G3BP1: variants seen among roughly 807,000 people sequenced by gnomAD.
G3BP1 encodes ras GTPase-activating protein-binding protein 1.
In G3BP1, 35 loss-of-function variants were observed where a neutral mutation model predicts 58.6. That is an observed-to-expected ratio of 0.60 (90% CI 0.46 to 0.79). The LOEUF is 0.79. Among genes scored for constraint, G3BP1 ranks in the 30% least tolerant of loss-of-function variants. The pLI is 0.00. For missense variants in G3BP1, 523 were observed against 580.8 expected (o/e 0.90, Z 1.02); for synonymous variants, 191 against 195.4 (o/e 0.98, Z 0.19).
rs1029260503 is a variant in G3BP1 at position 151,809,671 on chromosome 5, T to C, written c.*5580T>C. 2.0e-5 allele frequency: 3 copies of C among 152,124 alleles called. No individual in the cohort carries two copies. The highest frequency in any genetic ancestry group is 7.2e-5 in the African/African-American group (3 of 41,414). The allele number at this position is 152,124 out of a possible 1,614,324, so 9.4% of individuals were successfully genotyped here. On this transcript the variant is annotated 3_prime_UTR_variant, in exon 12 of 12. Coordinates refer to ENST00000356245, the MANE Select transcript of G3BP1 (RefSeq NM_005754.3). Reference sequence around the variant, plus strand: ...TCATTTTACAAAGGATCAGAGAGAATTGGTTAGTAGAGTCCCAAATCTGCT... The same window carrying C: ...TCATTTTACAAAGGATCAGAGAGAACTGGTTAGTAGAGTCCCAAATCTGCT...
chr5:151,775,364 TAG>T (rs1443281681), intron 1 of G3BP1, among the ~76,000 whole-genome samples: 5 of 152,380 alleles, frequency 3.3e-5, no homozygotes, highest in Middle Eastern at 3.4e-3. Context: ...TTTGCATATT[TAG>T]AGAGTGCTTT....
intron 1 of G3BP1, among the ~76,000 whole-genome samples, chr5:151,785,516 TGTTTAA>T (rs1393477267): frequency 6.6e-6 from 1 of 152,190 alleles, no homozygotes; most frequent in African/African-American, 2.4e-5. Flanking sequence ...TTTGCCTGTA[TGTTTAA>T]GTTTGGGATA....
Position 151,786,596 on chromosome 5 carries a change from C to T in G3BP1, c.-25C>T. 5 of 1,489,852 alleles carry T rather than the reference C, an allele frequency of 3.4e-6. No individual in the cohort carries two copies. The highest frequency in any genetic ancestry group is 4.7e-6 in the Non-Finnish European group (5 of 1,067,068). 92.3% of individuals were successfully genotyped at this position (1,489,852 alleles called of 1,614,324 possible). ...GGTTTGGACATATTTGACTCTTTTC[C>T]CCCCAGGTTGAATTGACCAAAGCAA... is the stretch of plus-strand genomic sequence containing the variant. On this transcript the variant is annotated 5_prime_UTR_variant, in exon 2 of 12. Transcript: ENST00000356245.
At chr5:151,801,517 A>G (rs1340044610) in intron 11 of G3BP1, among the ~76,000 whole-genome samples, 3 of 152,214 alleles carry the variant, frequency 2.0e-5, no homozygotes, top group Non-Finnish European at 4.4e-5. Flanking sequence ...ATACTTTTTT[A>G]TTGAGGTGAA....
rs1028926267 is a variant in G3BP1 at position 151,805,406 on chromosome 5, C to G, written c.*1315C>G. Reference sequence around the variant, plus strand: ...TCACATATGTGTTATTTGTTGAGTGCTGTGTGTGAGATGGGTGAAGGTTTT... The same window carrying G: ...TCACATATGTGTTATTTGTTGAGTGGTGTGTGTGAGATGGGTGAAGGTTTT... On this transcript the variant is annotated 3_prime_UTR_variant, in exon 12 of 12. Transcript: ENST00000356245. 1.3e-5 allele frequency: 2 copies of G among 152,410 alleles called. No homozygotes were observed. The highest frequency in any genetic ancestry group is 6.6e-5 in the Admixed American group (1 of 15,254). The allele number at this position is 152,410 out of a possible 1,614,324, so 9.4% of individuals were successfully genotyped here. A position where few individuals can be genotyped will look rare whatever the true frequency, so the allele number is the denominator to read the frequency against.
intron 1 of G3BP1, among the ~76,000 whole-genome samples, chr5:151,780,782 G>C (rs1762456848): frequency 6.6e-6 from 1 of 152,130 alleles, no homozygotes; most frequent in African/African-American, 2.4e-5. Context: ...AAAGTGCTGG[G>C]ATTACAGGTG....
At chr5:151,801,492 T>C (rs998712259) in intron 11 of G3BP1, among the ~76,000 whole-genome samples, 1 of 152,210 alleles carries the variant, frequency 6.6e-6, no homozygotes, top group African/African-American at 2.4e-5. Context: ...ATAAATAATA[T>C]TAATTTACTA....
intron 1 of G3BP1, among the ~76,000 whole-genome samples, chr5:151,774,132 A>G (rs184975582): frequency 1.3e-3 from 197 of 152,326 alleles, no homozygotes; most frequent in African/African-American, 4.5e-3. Context: ...GCTGCCCTAC[A>G]TCCCTACCAA....
At chr5:151,788,066 G>A (rs1762581013) in intron 2 of G3BP1, among the ~76,000 whole-genome samples, 1 of 151,786 alleles carries the variant, frequency 6.6e-6, no homozygotes, top group African/African-American at 2.4e-5. Context: ...CTGGGACTGA[G>A]GTGCAATCCA....
rs1762972207 is a variant in G3BP1 at position 151,808,713 on chromosome 5, T to C, written c.*4622T>C. Reference sequence around the variant, plus strand: ...GTGCATACAGTGTGTCTTAGGATTTTTTTAAGTAAATTAAGGATGTTTACC... The same window carrying C: ...GTGCATACAGTGTGTCTTAGGATTTCTTTAAGTAAATTAAGGATGTTTACC... On this transcript the variant is annotated 3_prime_UTR_variant, in exon 12 of 12. Coordinates refer to ENST00000356245, the MANE Select transcript of G3BP1 (RefSeq NM_005754.3). 1.3e-5 allele frequency: 2 copies of C among 152,228 alleles called. No individual in the cohort carries two copies. The highest frequency in any genetic ancestry group is 4.8e-5 in the African/African-American group (2 of 41,466). 9.4% of individuals were successfully genotyped at this position (152,228 alleles called of 1,614,324 possible).
At chr5:151,775,371 T>A (rs1205268994) in intron 1 of G3BP1, among the ~76,000 whole-genome samples, 1 of 152,208 alleles carries the variant, frequency 6.6e-6, no homozygotes, top group African/African-American at 2.4e-5. Context: ...ATTTAGAGAG[T>A]GCTTTCACAC....
chr5:151,791,222 C>T (rs1269641165), intron 4 of G3BP1, 160 bp downstream of exon 4: 1 of 587,804 alleles, frequency 1.7e-6, no homozygotes, highest in East Asian at 2.8e-5. Context: ...GAGCAGCTGT[C>T]ACCACTTGCC....
Position 151,808,411 on chromosome 5 carries a change from C to G in G3BP1, c.*4320C>G, listed in dbSNP as rs966591210. 1 of 152,214 alleles carries G rather than the reference C, an allele frequency of 6.6e-6. No individual in the cohort carries two copies. Among genetic ancestry groups the G allele is most frequent in the African/African-American group, 2.4e-5 (1 of 41,454 alleles). 9.4% of individuals were successfully genotyped at this position (152,214 alleles called of 1,614,324 possible). On this transcript the variant is annotated 3_prime_UTR_variant, in exon 12 of 12. Transcript: ENST00000356245. ...AGATGATTACAGATTACCTAAAACC[C>G]TTAACCAGTTTTGGTTTTTGATTAT...
chr5:151,797,560 C>G (rs1762776143), intron 7 of G3BP1, 132 bp downstream of exon 7: 5 of 981,462 alleles, frequency 5.1e-6, no homozygotes, highest in Non-Finnish European at 7.4e-6. Context: ...AGGGAAATTT[C>G]TTAGATATTG....
intron 1 of G3BP1, among the ~76,000 whole-genome samples, chr5:151,776,821 C>T (rs1035481783): frequency 4.0e-4 from 61 of 151,388 alleles, no homozygotes; most frequent in Non-Finnish European, 2.2e-4. Flanking sequence ...CTTGTCTTGG[C>T]CTCTCAAAGT....
At chr5:151,778,752 G>A (rs968276147) in intron 1 of G3BP1, among the ~76,000 whole-genome samples, 1 of 146,910 alleles carries the variant, frequency 6.8e-6, no homozygotes, top group Non-Finnish European at 1.5e-5. Context: ...CTGGATAGAG[G>A]TATTTTAAAA....
intron 4 of G3BP1, chr5:151,792,057 C>T (rs951120693): frequency 2.2e-6 from 1 of 455,828 alleles, no homozygotes; most frequent in African/African-American, 2.0e-5. Context: ...TCATCTTGCA[C>T]TGTTCCTGGC....
chr5:151,795,205 G>A, intron 5 of G3BP1, among the ~76,000 whole-genome samples: 1 of 152,190 alleles, frequency 6.6e-6, no homozygotes, highest in Non-Finnish European at 1.5e-5. Context: ...GAACCCAGGA[G>A]GTGGGGCTTT....
chr5:151,791,561 C>A (rs984762637), intron 4 of G3BP1: 2 of 158,584 alleles, frequency 1.3e-5, no homozygotes, highest in Admixed American at 1.2e-4. Flanking sequence ...TTATGGGTGT[C>A]ATTCAGTGCT....
Sources: allele counts gnomAD v4.1 joint callset (sites outside exome capture counted in the v4.1 genomes callset), GRCh38; gene constraint gnomAD v4.1.1; transcripts MANE v1.5; gene names NCBI Gene and HGNC (gene_info 2026-07-23, HGNC 2026-07-21).